EXOC6: variants seen among roughly 807,000 people sequenced by gnomAD.
The protein encoded by EXOC6 is exocyst complex component 6.
Under a neutral mutation model 112.5 loss-of-function variants are expected in EXOC6, and 60 were observed. That is an observed-to-expected ratio of 0.53 (90% confidence interval 0.43 to 0.66). EXOC6 has a LOEUF of 0.66. EXOC6 is among the 30% of genes least tolerant of loss of function. EXOC6 has a pLI of 0.00. For synonymous variants in EXOC6, 295 were observed against 308.0 expected, an observed-to-expected ratio of 0.96 and a Z score of 0.44; for missense variants, 855 against 957.1, an observed-to-expected ratio of 0.89 and a Z score of 1.41.
At chr10:92,829,350 T>C (rs186764526) in intron 1 of EXOC6, among the ~76,000 whole-genome samples, 2 of 152,308 alleles carry the variant, frequency 1.3e-5, no homozygotes, top group South Asian at 2.1e-4. Flanking sequence ...GGAAGTCCCA[T>C]TCGGGCGCCC....
At chr10:92,915,939 T>C (rs777061657) in intron 7 of EXOC6, 26 bp downstream of exon 7, 4 of 1,454,636 alleles carry the variant, frequency 2.7e-6, no homozygotes, top group Middle Eastern at 2.0e-4. Flanking sequence ...CTTTCTTTTC[T>C]ATTATTAGAT....
intron 1 of EXOC6, among the ~76,000 whole-genome samples, chr10:92,881,387 T>A (rs1445952461): frequency 6.6e-6 from 1 of 152,232 alleles, no homozygotes; most frequent in Non-Finnish European, 1.5e-5. Context: ...TATTGTAAGA[T>A]GTGCAAAGAA....
intron 6 of EXOC6, among the ~76,000 whole-genome samples, chr10:92,914,525 A>G (rs535452622): frequency 9.8e-5 from 15 of 152,354 alleles, no homozygotes; most frequent in Non-Finnish European, 1.6e-4. Context: ...TGTGCATAAC[A>G]TAATTGGGAA....
chr10:92,960,489 C>T (rs1010705570), intron 17 of EXOC6, among the ~76,000 whole-genome samples: 12 of 151,188 alleles, frequency 7.9e-5, no homozygotes, highest in South Asian at 2.1e-4. Context: ...CTGGTGTACA[C>T]TGTGGACTTT....
chr10:92,896,938 T>G (rs756265332), intron 4 of EXOC6, among the ~76,000 whole-genome samples: 12 of 152,202 alleles, frequency 7.9e-5, no homozygotes, highest in Non-Finnish European at 1.8e-4. Flanking sequence ...ATGGACCAGG[T>G]ATATTTACGT....
chr10:92,892,718 T>C (rs995309225), intron 1 of EXOC6, among the ~76,000 whole-genome samples: 4 of 152,312 alleles, frequency 2.6e-5, no homozygotes, highest in Middle Eastern at 3.4e-3. Context: ...GGAGACAGCA[T>C]GAGCTGAGAG....
intron 18 of EXOC6, among the ~76,000 whole-genome samples, chr10:92,986,230 T>G (rs1273127644): frequency 6.6e-6 from 1 of 152,204 alleles, no homozygotes; most frequent in Non-Finnish European, 1.5e-5. Context: ...CTTTGTGGCC[T>G]TTATATCTCC....
At chr10:92,906,185 G>A (rs1312150936) in intron 5 of EXOC6, among the ~76,000 whole-genome samples, 1 of 151,970 alleles carries the variant, frequency 6.6e-6, no homozygotes, top group African/African-American at 2.4e-5. Context: ...GTGTCAATAT[G>A]GTATATCTTT....
At position 93,058,562 on chromosome 10, in the gene EXOC6, A is replaced by C; in HGVS notation, c.*207A>C. On this transcript the variant is annotated 3_prime_UTR_variant, in exon 22 of 22. Transcript: ENST00000260762. ...ACTATTTTATATATGGAAAAAAATG[A>C]CCATTTTTTCACTTTTAGGGGAAAA... 2.6e-6 allele frequency: 1 copy of C among 379,778 alleles called. No homozygotes were observed. Among genetic ancestry groups the C allele is most frequent in the Non-Finnish European group, 4.5e-6 (1 of 221,518 alleles). 23.5% of individuals were successfully genotyped at this position (379,778 alleles called of 1,614,324 possible).
intron 1 of EXOC6, among the ~76,000 whole-genome samples, chr10:92,863,633 T>G (rs61860825): frequency 0.022 from 3,341 of 151,790 alleles, 56 homozygotes; most frequent in African/African-American, 0.041. Context: ...TTAAGAAAAG[T>G]CCGGTGCGGT....
At chr10:93,047,370 T>C (rs1427986849) in intron 20 of EXOC6, among the ~76,000 whole-genome samples, 1 of 151,732 alleles carries the variant, frequency 6.6e-6, no homozygotes, top group East Asian at 2.0e-4. Flanking sequence ...ACGTTGTCTC[T>C]ACTAAAAATG....
intron 20 of EXOC6, among the ~76,000 whole-genome samples, chr10:93,052,026 C>A (rs1396297279): frequency 2.0e-5 from 3 of 152,120 alleles, no homozygotes; most frequent in Non-Finnish European, 4.4e-5. Flanking sequence ...CCTGGTATCC[C>A]CAATTGCTTT....
intron 14 of EXOC6, among the ~76,000 whole-genome samples, chr10:92,950,770 T>C (rs1394209813): frequency 1.3e-5 from 2 of 152,196 alleles, no homozygotes; most frequent in Non-Finnish European, 2.9e-5. Context: ...TGAAAGAATT[T>C]TAAGTGGTAA....
intron 17 of EXOC6, among the ~76,000 whole-genome samples, chr10:92,965,719 CT>C (rs1196482498): frequency 7.2e-5 from 11 of 152,070 alleles, no homozygotes; most frequent in Non-Finnish European, 1.5e-4. Context: ...CATTGAAAGC[CT>C]TTTCTATCTT....
chr10:92,948,177 T>G (rs939401920), intron 13 of EXOC6, 97 bp from the exon 14 acceptor site: 9 of 700,848 alleles, frequency 1.3e-5, no homozygotes, highest in Non-Finnish European at 1.9e-5. Context: ...AAGTAAAAAC[T>G]GCTTTTGTAA....
At chr10:92,974,499 T>C (rs1842416224) in intron 18 of EXOC6, among the ~76,000 whole-genome samples, 1 of 86,286 alleles carries the variant, frequency 1.2e-5, no homozygotes, top group South Asian at 4.0e-4. Flanking sequence ...TAAATAGAAA[T>C]AATCTCTAAT....
chr10:93,005,588 A>T (rs1843940908), intron 19 of EXOC6, among the ~76,000 whole-genome samples: 1 of 152,178 alleles, frequency 6.6e-6, no homozygotes, highest in Admixed American at 6.5e-5. Flanking sequence ...TACTAAGAAA[A>T]TACAGACTAT....
At chr10:92,905,001 A>G (rs544940357) in intron 5 of EXOC6, among the ~76,000 whole-genome samples, 1 of 152,138 alleles carries the variant, frequency 6.6e-6, no homozygotes, top group Admixed American at 6.5e-5. Flanking sequence ...ACATTTATTT[A>G]TTCACTTTTT....
At chr10:93,012,952 T>C (rs1443274301) in intron 19 of EXOC6, among the ~76,000 whole-genome samples, 1 of 151,528 alleles carries the variant, frequency 6.6e-6, no homozygotes, top group Non-Finnish European at 1.5e-5. Flanking sequence ...GGAGGCTGAT[T>C]CCTTGAGCCC....
Sources: allele counts gnomAD v4.1 joint callset (sites outside exome capture counted in the v4.1 genomes callset), GRCh38; gene constraint gnomAD v4.1.1; transcripts MANE v1.5; gene names NCBI Gene and HGNC (gene_info 2026-07-23, HGNC 2026-07-21).